Variants in MTMR7 observed in about 807,000 individuals in gnomAD.
MTMR7 encodes the protein phosphatidylinositol-3-phosphate phosphatase MTMR7.
Under a neutral mutation model 81.2 loss-of-function variants are expected in MTMR7, and 76 were observed. The ratio of observed to expected loss-of-function variants is 0.94; its 90% CI spans 0.78 to 1.13. The LOEUF (loss-of-function observed/expected upper bound fraction) is 1.13. Among genes scored for constraint, MTMR7 ranks in the 50% most tolerant of loss-of-function variants. MTMR7 has a pLI of 0.00. For synonymous variants in MTMR7, 372 were observed against 289.8 expected (o/e 1.28, Z -2.88); for missense variants, 1,044 against 820.0 (o/e 1.27, Z -3.34).
chr8:17,372,340 G>T (rs540233387), intron 2 of MTMR7, among the ~76,000 whole-genome samples: 4 of 152,276 alleles, frequency 2.6e-5, no homozygotes, highest in Admixed American at 2.6e-4. Flanking sequence ...CAGTACTTTG[G>T]AAGGCCAAGG....
rs752295738 is a variant in MTMR7, at chr8:17,413,307, T to G, written c.-15A>C. 1.3e-6 allele frequency: 2 copies of G among 1,540,448 alleles called. No homozygotes were observed. Among genetic ancestry groups the G allele is most frequent in the Middle Eastern group, 1.7e-4 (1 of 5,896 alleles). Reference sequence around the variant, plus strand: ...ATGTGCTCCATGGCTGGCCCACGTCTGCAGGGTCCCGGGCGGGCGCGGCCT... The same window carrying G: ...ATGTGCTCCATGGCTGGCCCACGTCGGCAGGGTCCCGGGCGGGCGCGGCCT... On this transcript the variant is annotated 5_prime_UTR_variant, in exon 1 of 14. Transcript: ENST00000180173.
chr8:17,354,937 A>G (rs902642065), intron 4 of MTMR7, among the ~76,000 whole-genome samples: 3 of 151,750 alleles, frequency 2.0e-5, no homozygotes, highest in Non-Finnish European at 4.4e-5. Flanking sequence ...TTCTGCTTCA[A>G]AACAGTTTGT....
At chr8:17,394,332 T>G (rs548581984) in intron 1 of MTMR7, among the ~76,000 whole-genome samples, 1 of 152,218 alleles carries the variant, frequency 6.6e-6, no homozygotes, top group Non-Finnish European at 1.5e-5. Flanking sequence ...AAATGTGGGG[T>G]ATATCCATGC....
At position 17,300,343 on chromosome 8, in the gene MTMR7, CAG is replaced by C. The variant is rs1421065428; in HGVS notation, c.1621-121_1621-120del. 1.1e-5 allele frequency: 12 copies of C among 1,138,284 alleles called. No individual in the cohort carries two copies. The South Asian group carries it at 1.7e-4, about 16-fold the overall frequency. 70.5% of individuals were successfully genotyped at this position (1,138,284 alleles called of 1,614,324 possible). A position where few individuals can be genotyped will look rare whatever the true frequency, so the allele number is the denominator to read the frequency against. On this transcript the variant is annotated intron_variant, in intron 13 of 13. Coordinates refer to ENST00000180173, the MANE Select transcript of MTMR7 (RefSeq NM_004686.5). ...GGTATAATGTTAAGAACATGTGACT[CAG>C]AGGGATGTGAGTTCAAACCTGGACT... is the stretch of plus-strand genomic sequence containing the variant.
chr8:17,344,113 C>T (rs367781375), intron 5 of MTMR7, among the ~76,000 whole-genome samples: 1 of 152,102 alleles, frequency 6.6e-6, no homozygotes, highest in African/African-American at 2.4e-5. Flanking sequence ...TTATCATATA[C>T]AATAAGACCT....
At chr8:17,300,778 T>C (rs1319053635) in intron 13 of MTMR7, among the ~76,000 whole-genome samples, 4 of 152,208 alleles carry the variant, frequency 2.6e-5, no homozygotes, top group Non-Finnish European at 5.9e-5. Context: ...CCCATTCCTA[T>C]CTCCCCACAG....
chr8:17,309,212 A>T, intron 10 of MTMR7, 65 bp downstream of exon 10: 2 of 1,092,860 alleles, frequency 1.8e-6, no homozygotes, highest in Non-Finnish European at 1.4e-6. Context: ...CTAAATATTC[A>T]ATTGAAATTT....
rs779089411 is a variant in MTMR7 at position 17,299,971 on chromosome 8, G to C, written c.1874C>G (p.Ser625Cys). Reference sequence around the variant, plus strand: ...CCGACAGCTCAAATCCTCCACCCCGGACTCTTGGTCACTGTTGGCTGACAG... The same window carrying C: ...CCGACAGCTCAAATCCTCCACCCCGCACTCTTGGTCACTGTTGGCTGACAG... ...PDLSANSDQE[S>C]GVEDLSCRSP... The change falls in exon 14 of 14, where the codon TCC becomes TGC. Residue 625 changes from serine (S) to cysteine (C), a missense_variant. Ser to Cys is a moderately radical substitution (Grantham distance 112). Transcript: ENST00000180173. 6.2e-7 allele frequency: 1 copy of C among 1,614,090 alleles called. No homozygotes were observed. Among genetic ancestry groups the C allele is most frequent in the Non-Finnish European group, 8.5e-7 (1 of 1,180,014 alleles).
chr8:17,375,641 T>C (rs970254837), intron 1 of MTMR7, among the ~76,000 whole-genome samples: 4 of 152,180 alleles, frequency 2.6e-5, no homozygotes, highest in Non-Finnish European at 5.9e-5. Context: ...AAGACCTGTT[T>C]ATACAGTAAG....
chr8:17,412,959 A>G (rs1585133144), intron 1 of MTMR7, among the ~76,000 whole-genome samples: 1 of 145,994 alleles, frequency 6.8e-6, no homozygotes, highest in East Asian at 2.1e-4. Context: ...AGGAGAAAGA[A>G]GGGTTGATCT....
chr8:17,384,797 G>C (rs946116528), intron 1 of MTMR7, among the ~76,000 whole-genome samples: 1 of 152,170 alleles, frequency 6.6e-6, no homozygotes, highest in African/African-American at 2.4e-5. Flanking sequence ...GAGAAATAAA[G>C]AACGTCAACT....
intron 13 of MTMR7, among the ~76,000 whole-genome samples, chr8:17,300,593 TCTAA>T (rs1445843973): frequency 1.3e-5 from 2 of 152,368 alleles, no homozygotes; most frequent in Admixed American, 1.3e-4. Flanking sequence ...GTGTTTATCA[TCTAA>T]CTTTTATACT....
chr8:17,300,618 T>G (rs1817049545), intron 13 of MTMR7, among the ~76,000 whole-genome samples: 1 of 152,220 alleles, frequency 6.6e-6, no homozygotes, highest in African/African-American at 2.4e-5. Flanking sequence ...GAGATACAAT[T>G]CACTTACCGT....
At position 17,411,560 on chromosome 8, in the gene MTMR7, T is replaced by A. The variant is rs192798275; in HGVS notation, c.24+1709A>T. Among the ~76,000 whole-genome samples, 120 of 152,174 alleles carry A rather than the reference T, an allele frequency of 7.9e-4. 1 individual carries two copies. The highest frequency in any genetic ancestry group is 1.5e-3 in the Non-Finnish European group (103 of 68,026). The stretch of plus-strand genomic sequence containing the variant: ...TCCATCCAACCTCTGTAATTTCTTA[T>A]TTTTTTCACCAGCTTTATCCCAAAT... On this transcript the variant is annotated intron_variant, in intron 1 of 13. Transcript: ENST00000180173.
chr8:17,365,890 C>A (rs10096153), intron 3 of MTMR7, among the ~76,000 whole-genome samples: 7,497 of 152,174 alleles, frequency 0.049, 521 homozygotes, highest in African/African-American at 0.15. Context: ...TTGGCTGTTT[C>A]TAGGAAGACC....
In MTMR7 at chr8:17,401,659, G is replaced by C. The variant is rs191132993; in HGVS notation, c.24+11610C>G. On this transcript the variant is annotated intron_variant, in intron 1 of 13. Transcript: ENST00000180173. ...ATAACCTGGATATATTTTAAAAGTA[G>C]AGTGCTGAGGATTTACTATTGGCAT... is the stretch of plus-strand genomic sequence containing the variant. 1.4e-3 allele frequency among the ~76,000 whole-genome samples: 209 copies of C among 152,262 alleles called. 3 individuals are homozygous for C. The highest frequency in any genetic ancestry group is 4.7e-3 in the African/African-American group (197 of 41,554).
intron 7 of MTMR7, among the ~76,000 whole-genome samples, chr8:17,318,484 G>A (rs1403207694): frequency 2.0e-5 from 3 of 152,156 alleles, no homozygotes; most frequent in Admixed American, 6.5e-5. Flanking sequence ...TAGGTTACTG[G>A]AACTGCAGCA....
At chr8:17,332,866 G>T (rs1370080799) in intron 6 of MTMR7, among the ~76,000 whole-genome samples, 15 of 152,130 alleles carry the variant, frequency 9.9e-5, no homozygotes, top group Non-Finnish European at 2.9e-5. Flanking sequence ...GAATAAAAAT[G>T]TATAGAAAAC....
rs758544072 is a variant in MTMR7, at chr8:17,299,985, G to A, written c.1860C>T (p.Asn620=). ...LKSSDPDLSA[N]SDQESGVEDL... ...CCTCCACCCCGGACTCTTGGTCACT[G>A]TTGGCTGACAGATCTGGATCTGAAC... Residue 620 remains asparagine (N), a synonymous_variant, in exon 14 of 14, where the codon AAC becomes AAT. Transcript: ENST00000180173. 2 of 1,614,140 alleles carry A rather than the reference G, an allele frequency of 1.2e-6. No individual in the cohort carries two copies. The highest frequency in any genetic ancestry group is 1.3e-5 in the African/African-American group (1 of 75,054).
Sources: allele counts gnomAD v4.1 joint callset (sites outside exome capture counted in the v4.1 genomes callset), GRCh38; gene constraint gnomAD v4.1.1; transcripts MANE v1.5; gene names NCBI Gene and HGNC (gene_info 2026-07-23, HGNC 2026-07-21).